The following TNFAIP8L3 variants were observed in gnomAD, a reference collection of about 807,000 sequenced individuals.
TNFAIP8L3 encodes tumor necrosis factor alpha-induced protein 8-like protein 3.
Under a neutral mutation model 11.8 loss-of-function variants are expected in TNFAIP8L3, and 7 were observed. The ratio of observed to expected loss-of-function variants is 0.59; its 90% CI spans 0.34 to 1.11. The LOEUF is 1.11. Ranked by LOEUF, TNFAIP8L3 falls within the 50% of genes most tolerant of loss-of-function variation. TNFAIP8L3 has a pLI of 0.03. For missense variants in TNFAIP8L3, 219 were observed against 258.6 expected, an observed-to-expected ratio of 0.85 and a Z score of 1.05; for synonymous variants, 98 against 103.8, an observed-to-expected ratio of 0.94 and a Z score of 0.34.
At chr15:51,076,568 TGTGGTCACTCAAAGATGC>T (rs2065351592) in intron 1 of TNFAIP8L3, among the ~76,000 whole-genome samples, 1 of 152,168 alleles carries the variant, frequency 6.6e-6, no homozygotes, top group African/African-American at 2.4e-5. Context: ...AATCACCAGG[TGTGGTCACTCAAAGATGC>T]TGAGAATGGC....
intron 1 of TNFAIP8L3, among the ~76,000 whole-genome samples, chr15:51,081,110 T>C (rs369513777): frequency 6.6e-6 from 1 of 152,340 alleles, no homozygotes. Flanking sequence ...ACTTGGCTTT[T>C]TCACTGCCTT....
intron 1 of TNFAIP8L3, among the ~76,000 whole-genome samples, chr15:51,077,199 G>T (rs139923437): frequency 6.6e-6 from 1 of 152,278 alleles, no homozygotes; most frequent in East Asian, 1.9e-4. Flanking sequence ...GCCTGTGCTC[G>T]CCACAGAGCG....
At chr15:51,080,806 G>C (rs565205048) in intron 1 of TNFAIP8L3, among the ~76,000 whole-genome samples, 1 of 152,246 alleles carries the variant, frequency 6.6e-6, no homozygotes, top group African/African-American at 2.4e-5. Flanking sequence ...GTTGGCTGCC[G>C]CCTGAGTAAG....
chr15:51,086,060 C>G (rs2140977890), intron 1 of TNFAIP8L3, among the ~76,000 whole-genome samples: 1 of 152,282 alleles, frequency 6.6e-6, no homozygotes, highest in East Asian at 1.9e-4. Flanking sequence ...TTTCTCTCCT[C>G]AAGTCCTGCT....
chr15:51,100,313 C>G (rs1281052472), intron 1 of TNFAIP8L3, among the ~76,000 whole-genome samples: 2 of 152,056 alleles, frequency 1.3e-5, no homozygotes, highest in African/African-American at 2.4e-5. Context: ...TGATTCATGG[C>G]TTTGAGTTAC....
upstream of TNFAIP8L3, among the ~76,000 whole-genome samples, chr15:51,099,208 G>A (rs1427834659): frequency 2.0e-5 from 3 of 152,184 alleles, no homozygotes; most frequent in Admixed American, 6.5e-5. Flanking sequence ...GGAGAAGAAT[G>A]CAAAGTTTCC....
chr15:51,094,400 A>C lies in TNFAIP8L3; in HGVS notation c.52+144T>G, dbSNP rs2065495302. 9.5e-7 allele frequency: 1 copy of C among 1,058,114 alleles called. No individual in the cohort carries two copies. The highest frequency in any genetic ancestry group is 1.7e-5 in the African/African-American group (1 of 59,488). The allele number at this position is 1,058,114 out of a possible 1,614,324, so 65.5% of individuals were successfully genotyped here. On this transcript the variant is annotated intron_variant, in intron 1 of 1. Coordinates refer to ENST00000637513, the MANE Select transcript of TNFAIP8L3 (RefSeq NM_001311175.2). This position sits in a 1 kb window ranked among gnomAD's most constrained non-coding sequence, Gnocchi z 4.4. ...GCAATGGGGTTGGGGGAAGCCCCAA[A>C]GCAAACTCACGACGCGGAGCAATCC...
At chr15:51,101,945 C>CAAAAAAAAAAAAAAAAA (rs11297566) in intron 1 of TNFAIP8L3, among the ~76,000 whole-genome samples, 2 of 85,706 alleles carry the variant, frequency 2.3e-5, no homozygotes, top group African/African-American at 4.4e-5. Flanking sequence ...GACTCTGTCT[C>CAAAAAAAAAAAAAAAAA]AAAAAAAAAA....
At chr15:51,086,307 T>C (rs1298005698) in intron 1 of TNFAIP8L3, among the ~76,000 whole-genome samples, 5 of 152,254 alleles carry the variant, frequency 3.3e-5, no homozygotes, top group African/African-American at 1.2e-4. Flanking sequence ...GGCTTTGTGC[T>C]AACTCTCCCA....
intron 1 of TNFAIP8L3, among the ~76,000 whole-genome samples, chr15:51,080,959 C>T (rs1312774967): frequency 1.3e-5 from 2 of 152,252 alleles, no homozygotes; most frequent in African/African-American, 4.8e-5. Flanking sequence ...CTTGAGAATT[C>T]AAAGGCAGGG....
chr15:51,066,697 G>T (rs1467954386), intron 1 of TNFAIP8L3, among the ~76,000 whole-genome samples: 1 of 152,140 alleles, frequency 6.6e-6, no homozygotes, highest in Non-Finnish European at 1.5e-5. Context: ...TGCAGGATGG[G>T]ATATCCTTGA....
At chr15:51,066,593 G>A (rs949309740) in intron 1 of TNFAIP8L3, among the ~76,000 whole-genome samples, 1 of 152,200 alleles carries the variant, frequency 6.6e-6, no homozygotes, top group Non-Finnish European at 1.5e-5. Context: ...CGAGTGGTGA[G>A]AGTGATGGCC....
chr15:51,087,919 T>TTATTTATATATATATATATATATATATA (rs2065440888), intron 1 of TNFAIP8L3, among the ~76,000 whole-genome samples: 1 of 101,564 alleles, frequency 9.8e-6, no homozygotes, highest in Non-Finnish European at 2.0e-5. Flanking sequence ...TAGCATACCT[T>TTATTTATATATATATATATATATATATA]TATATATATA....
intron 1 of TNFAIP8L3, among the ~76,000 whole-genome samples, chr15:51,091,820 A>T (rs1488192298): frequency 1.3e-5 from 2 of 152,198 alleles, no homozygotes; most frequent in African/African-American, 4.8e-5. Flanking sequence ...CAGCAACATT[A>T]ATTGTTTTAA....
chr15:51,089,704 G>C (rs1158983383), intron 1 of TNFAIP8L3, among the ~76,000 whole-genome samples: 1 of 152,192 alleles, frequency 6.6e-6, no homozygotes, highest in African/African-American at 2.4e-5. Flanking sequence ...TGGCCTTTTA[G>C]GGCAAAGTTC....
At chr15:51,086,703 C>T (rs1219892146) in intron 1 of TNFAIP8L3, among the ~76,000 whole-genome samples, 1 of 152,152 alleles carries the variant, frequency 6.6e-6, no homozygotes, top group African/African-American at 2.4e-5. Context: ...GCCCAGAAGG[C>T]TGGTATAAGG....
In TNFAIP8L3 at chr15:51,059,103, T is replaced by C. The variant is rs115935730; in HGVS notation, c.53-660A>G. On this transcript the variant is annotated intron_variant, in intron 1 of 1. Transcript: ENST00000637513. ...AGATTTGGGAGAAAGTCAAGAGAAA[T>C]TTTTGTAAGAAATGTTGCCTCCTGA... Among the ~76,000 whole-genome samples, 519 of 152,312 alleles carry C rather than the reference T, an allele frequency of 3.4e-3. 3 individuals are homozygous for C. The highest frequency in any genetic ancestry group is 0.012 in the African/African-American group (483 of 41,562).
upstream of TNFAIP8L3, among the ~76,000 whole-genome samples, chr15:51,099,295 G>A (rs564359236): frequency 6.6e-6 from 1 of 152,232 alleles, no homozygotes; most frequent in East Asian, 1.9e-4. Context: ...GAGGCAGAGG[G>A]TGGATGAGGC....
intron 1 of TNFAIP8L3, among the ~76,000 whole-genome samples, chr15:51,071,050 C>CACAAAAAA (rs2065305491): frequency 3.1e-5 from 1 of 31,782 alleles, no homozygotes; most frequent in Non-Finnish European, 6.1e-5. Context: ...GACTCCGTCT[C>CACAAAAAA]AAAAAAAAAA....
Sources: allele counts gnomAD v4.1 joint callset (sites outside exome capture counted in the v4.1 genomes callset), GRCh38; gene constraint gnomAD v4.1.1; non-coding constraint Gnocchi (gnomAD v3.1); transcripts MANE v1.5; gene names NCBI Gene and HGNC (gene_info 2026-07-23, HGNC 2026-07-21).